Variants in EYS observed in about 807,000 individuals in gnomAD.
EYS encodes the protein protein eyes shut homolog.
In EYS, 250 loss-of-function variants were observed where a neutral mutation model predicts 282.1. The ratio of observed to expected loss-of-function variants is 0.89; its 90% CI spans 0.80 to 0.98. The LOEUF (loss-of-function observed/expected upper bound fraction) is 0.98, where lower values mean the gene tolerates loss of function less well. EYS is among the 50% of genes least tolerant of loss of function. EYS has a pLI of 0.00. For missense variants in EYS, 4,016 were observed against 3,709.0 expected, an observed-to-expected ratio of 1.08 and a Z score of -2.15; for synonymous variants, 1,355 against 1,282.9, an observed-to-expected ratio of 1.06 and a Z score of -1.20.
At chr6:64,693,723 G>A (rs114199343) in intron 22 of EYS, among the ~76,000 whole-genome samples, 1 of 151,970 alleles carries the variant, frequency 6.6e-6, no homozygotes, top group African/African-American at 2.4e-5. Context: ...ACGTTCTTAG[G>A]TCACAAATAG....
intron 31 of EYS, among the ~76,000 whole-genome samples, chr6:64,145,767 T>C (rs114904041): frequency 0.019 from 2,859 of 152,212 alleles, 77 homozygotes; most frequent in African/African-American, 0.065. Context: ...GAATGCAAAA[T>C]AGTACCATAG....
chr6:64,747,263 C>A (rs1168857423), intron 22 of EYS, among the ~76,000 whole-genome samples: 2 of 152,122 alleles, frequency 1.3e-5, no homozygotes, highest in African/African-American at 4.8e-5. Flanking sequence ...CATAGTCATT[C>A]CATTAGTCCA....
At chr6:64,653,378 C>T (rs556346461) in intron 22 of EYS, among the ~76,000 whole-genome samples, 95 of 152,166 alleles carry the variant, frequency 6.2e-4, no homozygotes, top group African/African-American at 2.2e-3. Context: ...AATATAGATA[C>T]CTCTATGTTC....
intron 35 of EYS, among the ~76,000 whole-genome samples, chr6:63,881,609 T>C (rs1345386486): frequency 6.6e-6 from 1 of 152,198 alleles, no homozygotes; most frequent in African/African-American, 2.4e-5. Context: ...TACGTTTTTT[T>C]CCAGAACTTA....
In EYS at chr6:65,214,348, G is replaced by A. The variant is rs553126251; in HGVS notation, c.2023+81515C>T. Among the ~76,000 whole-genome samples the A allele has an allele frequency of 7.2e-5, 11 of 152,172 alleles. No individual in the cohort carries two copies. The East Asian group carries it at 1.9e-3, about 27-fold the overall frequency. Reference sequence around the variant, plus strand: ...CACCCTTATTACTGATATGGAGAAAGTTTTTAACAGTCTGTATAAAATATT... The same window carrying A: ...CACCCTTATTACTGATATGGAGAAAATTTTTAACAGTCTGTATAAAATATT... On this transcript the variant is annotated intron_variant, in intron 12 of 42. Transcript: ENST00000503581.
intron 30 of EYS, among the ~76,000 whole-genome samples, chr6:64,249,473 T>A (rs1205906703): frequency 6.6e-6 from 1 of 152,220 alleles, no homozygotes; most frequent in African/African-American, 2.4e-5. Context: ...AGCCCTGACT[T>A]GACCACTGTG....
At chr6:65,104,980 A>G (rs1774993422) in intron 12 of EYS, among the ~76,000 whole-genome samples, 2 of 151,694 alleles carry the variant, frequency 1.3e-5, no homozygotes, top group Admixed American at 1.3e-4. Flanking sequence ...TCATGAAAAT[A>G]TTTCTGCAGG....
rs189840133 is a variant in EYS at position 64,453,449 on chromosome 6, C to T, written c.5645-14097G>A. On this transcript the variant is annotated intron_variant, in intron 26 of 42. Transcript: ENST00000503581. ...TCAACCATTGTGGAAGTCAGTGTGG[C>T]GATTCCTCAGGGATCTAGAACTGGA... 7.6e-4 allele frequency among the ~76,000 whole-genome samples: 116 copies of T among 152,230 alleles called. 1 individual carries two copies. Among genetic ancestry groups the T allele is most frequent in the African/African-American group, 2.5e-3 (103 of 41,526 alleles).
chr6:64,125,153 T>TCTCTCTCTCTCTCTCTCTCTCTCTC (rs1562213531), intron 31 of EYS, among the ~76,000 whole-genome samples: 51 of 149,006 alleles, frequency 3.4e-4, no homozygotes, highest in African/African-American at 1.3e-3. Context: ...ACACACTCTC[T>TCTCTCTCTCTCTCTCTCTCTCTCTC]GTCTCTCTCT....
At chr6:65,436,925 C>T (rs754929808) in intron 5 of EYS, among the ~76,000 whole-genome samples, 4 of 151,904 alleles carry the variant, frequency 2.6e-5, no homozygotes, top group East Asian at 1.9e-4. Context: ...TACACAAAAA[C>T]GGAGTCAAGA....
At position 64,591,173 on chromosome 6, in the gene EYS, T is replaced by A; in HGVS notation, c.4694A>T (p.Lys1565Ile). The A allele has an allele frequency of 6.4e-7, 1 of 1,551,356 alleles. No homozygotes were observed. Among genetic ancestry groups the A allele is most frequent in the East Asian group, 2.4e-5 (1 of 40,910 alleles). Residue 1565 changes from lysine to isoleucine, a missense_variant, in exon 26 of 43, where the codon AAA (lysine) becomes ATA (isoleucine). Transcript: ENST00000503581. ...TCATCSMTEI[K>I]SSREFSDQVL... ...TTGATCTGAGAATTCACGAGAGGAT[T>A]TTATTTCAGTCATAGAACATGTTGC...
chr6:64,112,941 C>A (rs1773256264), intron 31 of EYS, among the ~76,000 whole-genome samples: 1 of 151,772 alleles, frequency 6.6e-6, no homozygotes, highest in Non-Finnish European at 1.5e-5. Flanking sequence ...TCAGGAGACA[C>A]TGCACTGGCA....
intron 19 of EYS, among the ~76,000 whole-genome samples, chr6:64,882,310 A>G (rs1469954904): frequency 6.6e-6 from 1 of 151,802 alleles, no homozygotes; most frequent in African/African-American, 2.4e-5. Flanking sequence ...GCACATTGAC[A>G]TTTTCTTCTG....
intron 15 of EYS, among the ~76,000 whole-genome samples, chr6:64,919,325 G>T (rs549601647): frequency 6.6e-6 from 1 of 151,554 alleles, no homozygotes; most frequent in East Asian, 1.9e-4. Flanking sequence ...CCCTGCCATC[G>T]CACCCGGCTA....
chr6:65,611,494 T>C (rs1388676034), intron 2 of EYS, among the ~76,000 whole-genome samples: 2 of 152,020 alleles, frequency 1.3e-5, no homozygotes, highest in South Asian at 2.1e-4. Context: ...TTTTTATAGA[T>C]AAATTCCTTA....
chr6:64,731,774 C>G (rs182755275), intron 22 of EYS, among the ~76,000 whole-genome samples: 78 of 152,158 alleles, frequency 5.1e-4, no homozygotes, highest in African/African-American at 1.7e-3. Context: ...GGATCTAGAA[C>G]CAGAAATACC....
At chr6:64,345,914 A>G (rs1771370782) in intron 29 of EYS, among the ~76,000 whole-genome samples, 1 of 152,170 alleles carries the variant, frequency 6.6e-6, no homozygotes, top group Non-Finnish European at 1.5e-5. Context: ...CACTTCTCAA[A>G]AGAAGACATT....
intron 24 of EYS, among the ~76,000 whole-genome samples, chr6:64,597,272 G>A (rs1237478540): frequency 6.6e-6 from 1 of 152,178 alleles, no homozygotes; most frequent in Non-Finnish European, 1.5e-5. Context: ...TGGTAGGAAT[G>A]TAAACTAGGA....
At chr6:64,825,904 C>CATATATAT (rs71860908) in intron 19 of EYS, among the ~76,000 whole-genome samples, 2 of 147,724 alleles carry the variant, frequency 1.4e-5, no homozygotes, top group African/African-American at 2.5e-5. Context: ...ATAAAGTGCA[C>CATATATAT]ATATATATAT....
Sources: allele counts gnomAD v4.1 joint callset (sites outside exome capture counted in the v4.1 genomes callset), GRCh38; gene constraint gnomAD v4.1.1; transcripts MANE v1.5; gene names NCBI Gene and HGNC (gene_info 2026-07-23, HGNC 2026-07-21).